The following GRIK4 variants were observed in gnomAD, a reference collection of about 807,000 sequenced individuals.
GRIK4 encodes glutamate ionotropic receptor kainate type subunit 4.
Under a neutral mutation model 104.9 loss-of-function variants are expected in GRIK4, and 40 were observed. The observed-to-expected ratio is 0.38, with a 90% CI of 0.30 to 0.50. The LOEUF (loss-of-function observed/expected upper bound fraction) is 0.50, where lower values mean the gene tolerates loss of function less well. Ranked by LOEUF, GRIK4 falls within the 20% of genes least tolerant of loss-of-function variation. GRIK4 has a pLI of 0.93. For synonymous variants in GRIK4, 485 were observed against 524.9 expected (o/e 0.92, Z 1.04); for missense variants, 1,047 against 1,308.1 (o/e 0.80, Z 3.08).
intron 3 of GRIK4, among the ~76,000 whole-genome samples, chr11:120,752,877 A>G (rs1591868415): frequency 6.6e-6 from 1 of 152,318 alleles, no homozygotes; most frequent in Non-Finnish European, 1.5e-5. Flanking sequence ...ACCCTCCTCC[A>G]TAGTCAAGTC....
At chr11:120,938,782 C>T (rs1368698975) in intron 13 of GRIK4, among the ~76,000 whole-genome samples, 2 of 152,158 alleles carry the variant, frequency 1.3e-5, no homozygotes, top group Admixed American at 6.5e-5. Context: ...GCGCCCAGGT[C>T]ATAAAAACAT....
At position 120,653,687 on chromosome 11, in the gene GRIK4, GA is replaced by G. The variant is rs1949653633; in HGVS notation, c.-155del. 6.6e-6 allele frequency: 1 copy of G among 152,192 alleles called. No homozygotes were observed. Among genetic ancestry groups the G allele is most frequent in the Admixed American group, 6.5e-5 (1 of 15,278 alleles). 9.4% of individuals were successfully genotyped at this position (152,192 alleles called of 1,614,324 possible). Reference sequence around the variant, plus strand: ...ATTGGACTCTTTTTTTATTCCAGCAGATACTTTCTGAGTGCCTACTATGTGC... The same window carrying G: ...ATTGGACTCTTTTTTTATTCCAGCAGTACTTTCTGAGTGCCTACTATGTGC... On this transcript the variant is annotated 5_prime_UTR_variant, in exon 2 of 21. Transcript: ENST00000527524.
At chr11:120,693,750 G>A (rs1950401312) in intron 3 of GRIK4, among the ~76,000 whole-genome samples, 1 of 152,168 alleles carries the variant, frequency 6.6e-6, no homozygotes, top group African/African-American at 2.4e-5. Context: ...ATTGGATGTG[G>A]GGTAGTGGGC....
At chr11:120,891,728 G>T (rs1024677799) in intron 11 of GRIK4, among the ~76,000 whole-genome samples, 3 of 152,140 alleles carry the variant, frequency 2.0e-5, no homozygotes, top group Non-Finnish European at 4.4e-5. Context: ...GGTAAGCAAT[G>T]GTCACATCGA....
chr11:120,532,235 C>T (rs1184593291), intron 1 of GRIK4, among the ~76,000 whole-genome samples: 1 of 152,214 alleles, frequency 6.6e-6, no homozygotes, highest in Non-Finnish European at 1.5e-5. Flanking sequence ...GGACTCGCTG[C>T]TTTGAACATC....
intron 1 of GRIK4, among the ~76,000 whole-genome samples, chr11:120,627,787 A>G (rs572953482): frequency 2.0e-5 from 3 of 152,202 alleles, no homozygotes; most frequent in Non-Finnish European, 2.9e-5. Flanking sequence ...AGGGTCCCCA[A>G]AGAGCTGCTC....
At chr11:120,567,414 C>T (rs900038257) in intron 1 of GRIK4, among the ~76,000 whole-genome samples, 3 of 152,178 alleles carry the variant, frequency 2.0e-5, no homozygotes, top group Admixed American at 6.5e-5. Flanking sequence ...CCACCTCGGC[C>T]TCCCAAAGTG....
intron 11 of GRIK4, among the ~76,000 whole-genome samples, chr11:120,882,504 T>A (rs924479655): frequency 6.6e-6 from 1 of 152,098 alleles, no homozygotes; most frequent in African/African-American, 2.4e-5. Context: ...GGAGTGACTT[T>A]GCCTTTGATG....
At chr11:120,605,576 C>T (rs1483195501) in intron 1 of GRIK4, among the ~76,000 whole-genome samples, 1 of 152,214 alleles carries the variant, frequency 6.6e-6, no homozygotes, top group African/African-American at 2.4e-5. Context: ...CAAGAGCTTC[C>T]TCTTTCAGTC....
At chr11:120,729,800 G>T (rs938721798) in intron 3 of GRIK4, among the ~76,000 whole-genome samples, 1 of 152,008 alleles carries the variant, frequency 6.6e-6, no homozygotes, top group African/African-American at 2.4e-5. Context: ...TTCTGTGTTT[G>T]CCTGTGCTTG....
chr11:120,603,796 G>T (rs953674478), intron 1 of GRIK4, among the ~76,000 whole-genome samples: 2 of 152,084 alleles, frequency 1.3e-5, no homozygotes, highest in Non-Finnish European at 2.9e-5. Flanking sequence ...AGTAGAGGGG[G>T]TGCTACTGGC....
chr11:120,678,557 C>T (rs1187290056), intron 3 of GRIK4, among the ~76,000 whole-genome samples: 1 of 151,864 alleles, frequency 6.6e-6, no homozygotes, highest in African/African-American at 2.4e-5. Flanking sequence ...AGGGAAGGGG[C>T]CAAAATAGAG....
intron 13 of GRIK4, among the ~76,000 whole-genome samples, chr11:120,907,301 A>G (rs1429240051): frequency 6.6e-6 from 1 of 152,104 alleles, no homozygotes; most frequent in Non-Finnish European, 1.5e-5. Flanking sequence ...GTGACTTCAG[A>G]GACGGCGGTG....
At chr11:120,695,697 A>G (rs61902687) in intron 3 of GRIK4, among the ~76,000 whole-genome samples, 16,481 of 152,234 alleles carry the variant, frequency 0.11, 951 homozygotes, top group South Asian at 0.15. Flanking sequence ...AGCTGCAGCA[A>G]CAGTAGGCTG....
chr11:120,703,407 GAGA>G (rs909928966), intron 3 of GRIK4, among the ~76,000 whole-genome samples: 2 of 152,054 alleles, frequency 1.3e-5, no homozygotes, highest in South Asian at 2.1e-4. Context: ...GGTGGATTTG[GAGA>G]AGGAGATAAT....
chr11:120,579,922 C>A (rs1461334036), intron 1 of GRIK4, among the ~76,000 whole-genome samples: 3 of 152,154 alleles, frequency 2.0e-5, no homozygotes. Flanking sequence ...CACCTCCCAC[C>A]CTTGGCGACC....
At chr11:120,881,256 A>AT (rs1371649016) in intron 11 of GRIK4, among the ~76,000 whole-genome samples, 1 of 152,146 alleles carries the variant, frequency 6.6e-6, no homozygotes, top group Non-Finnish European at 1.5e-5. Flanking sequence ...TTGTTTTCCA[A>AT]TTTTTTTATT....
intron 3 of GRIK4, among the ~76,000 whole-genome samples, chr11:120,777,329 T>C (rs927176091): frequency 3.9e-5 from 6 of 152,190 alleles, no homozygotes; most frequent in South Asian, 2.1e-4. Flanking sequence ...CTCCAACCAG[T>C]AGATTTCTAT....
intron 8 of GRIK4, among the ~76,000 whole-genome samples, chr11:120,843,806 A>T (rs1163234957): frequency 1.3e-5 from 2 of 152,128 alleles, no homozygotes; most frequent in South Asian, 2.1e-4. Context: ...ATTTCAGTTC[A>T]CAATGCCTTG....
Sources: allele counts gnomAD v4.1 joint callset (sites outside exome capture counted in the v4.1 genomes callset), GRCh38; gene constraint gnomAD v4.1.1; transcripts MANE v1.5; gene names NCBI Gene and HGNC (gene_info 2026-07-23, HGNC 2026-07-21).